ATRNL1: variants seen among roughly 807,000 people sequenced by gnomAD.
ATRNL1 encodes attractin-like protein 1.
A neutral mutation model predicts 182.7 loss-of-function variants in ATRNL1; 95 were observed. The ratio of observed to expected loss-of-function variants is 0.52; its 90% CI spans 0.44 to 0.62. ATRNL1 has a LOEUF of 0.62. ATRNL1 is among the 20% of genes least tolerant of loss of function. The pLI is 0.00. For synonymous variants in ATRNL1, 576 were observed against 568.3 expected, an observed-to-expected ratio of 1.01 and a Z score of -0.19; for missense variants, 1,471 against 1,679.5, an observed-to-expected ratio of 0.88 and a Z score of 2.17.
At chr10:115,780,005 G>A (rs782337043) in intron 27 of ATRNL1, among the ~76,000 whole-genome samples, 27 of 152,216 alleles carry the variant, frequency 1.8e-4, no homozygotes, top group Non-Finnish European at 3.1e-4. Context: ...GAAATCAGGT[G>A]AGCAATCACA....
intron 26 of ATRNL1, among the ~76,000 whole-genome samples, chr10:115,681,111 A>C (rs782011710): frequency 9.2e-5 from 14 of 152,118 alleles, no homozygotes; most frequent in Non-Finnish European, 1.9e-4. Context: ...ATGGGATTCT[A>C]CTATTACTAG....
chr10:115,155,492 A>G (rs1339458927), intron 5 of ATRNL1, among the ~76,000 whole-genome samples: 1 of 152,178 alleles, frequency 6.6e-6, no homozygotes. Flanking sequence ...AAGCTCCACA[A>G]TTAAACTGAA....
chr10:115,663,885 G>T (rs1555038907), intron 26 of ATRNL1, among the ~76,000 whole-genome samples: 1 of 152,074 alleles, frequency 6.6e-6, no homozygotes, highest in Non-Finnish European at 1.5e-5. Flanking sequence ...TCTATGCCCT[G>T]TGACTGCTTT....
intron 26 of ATRNL1, among the ~76,000 whole-genome samples, chr10:115,623,688 G>GT (rs1311667448): frequency 8.6e-5 from 13 of 152,020 alleles, no homozygotes; most frequent in African/African-American, 2.7e-4. Flanking sequence ...ACCACAATCA[G>GT]TTTTTTTAAA....
chr10:115,324,125 T>C (rs149424089), intron 18 of ATRNL1, among the ~76,000 whole-genome samples: 6 of 152,284 alleles, frequency 3.9e-5, no homozygotes, highest in Non-Finnish European at 5.9e-5. Flanking sequence ...CTCTCTCTCT[T>C]TTTTTAATCT....
intron 26 of ATRNL1, among the ~76,000 whole-genome samples, chr10:115,561,690 G>GGGGGGTGTGT (rs1554999705): frequency 5.9e-4 from 30 of 50,446 alleles, no homozygotes; most frequent in African/African-American, 1.2e-3. Context: ...TGTGTGTGTG[G>GGGGGGTGTGT]GTGTGTGTGT....
At chr10:115,106,036 A>G (rs1015489030) in intron 1 of ATRNL1, among the ~76,000 whole-genome samples, 7 of 152,146 alleles carry the variant, frequency 4.6e-5, no homozygotes, top group Non-Finnish European at 1.0e-4. Context: ...TGTGCCTGGA[A>G]AAGCCGCAGA....
At chr10:115,383,152 T>G (rs1213943200) in intron 19 of ATRNL1, among the ~76,000 whole-genome samples, 1 of 151,784 alleles carries the variant, frequency 6.6e-6, no homozygotes, top group Non-Finnish European at 1.5e-5. Flanking sequence ...CTTTTTCCTT[T>G]TAGTGTGGTA....
At chr10:115,355,642 T>C (rs1373223868) in intron 19 of ATRNL1, among the ~76,000 whole-genome samples, 1 of 151,950 alleles carries the variant, frequency 6.6e-6, no homozygotes, top group Admixed American at 6.6e-5. Flanking sequence ...ATACAGACAT[T>C]AAAAAAAATT....
rs1397087057 is a variant in ATRNL1, at chr10:115,198,113, G to A, written c.1349-17584G>A. 5.3e-5 allele frequency among the ~76,000 whole-genome samples: 8 copies of A among 152,072 alleles called. No individual in the cohort carries two copies. In the East Asian group the frequency reaches 9.6e-4, roughly 18 times the overall value. ...CTTCATATTGTTTTCCATAATGGGC[G>A]TACTTCTTCCCACCAACAGGGTACA... On this transcript the variant is annotated intron_variant, in intron 8 of 28. Coordinates refer to ENST00000355044, the MANE Select transcript of ATRNL1 (RefSeq NM_207303.4).
At chr10:115,326,046 T>A (rs1243688990) in intron 18 of ATRNL1, among the ~76,000 whole-genome samples, 5 of 152,134 alleles carry the variant, frequency 3.3e-5, no homozygotes, top group Admixed American at 6.6e-5. Flanking sequence ...ATTAGTGGTG[T>A]CACAGAGTAA....
chr10:115,684,383 G>A (rs528891923), intron 26 of ATRNL1, among the ~76,000 whole-genome samples: 17 of 150,744 alleles, frequency 1.1e-4, no homozygotes, highest in African/African-American at 4.1e-4. Context: ...TGTGTTGCCT[G>A]TGTGAGTATA....
At chr10:115,323,336 T>G (rs916628806) in intron 18 of ATRNL1, among the ~76,000 whole-genome samples, 6 of 152,084 alleles carry the variant, frequency 3.9e-5, no homozygotes, top group Admixed American at 6.6e-5. Context: ...AATTTTTATT[T>G]CTTTGTTGAT....
rs188593429 is a variant in ATRNL1, at chr10:115,947,070, G to A, written c.*2291G>A. 46 of 152,628 alleles carry A rather than the reference G, an allele frequency of 3.0e-4. No individual in the cohort carries two copies. Among genetic ancestry groups the A allele is most frequent in the African/African-American group, 8.9e-4 (37 of 41,532 alleles). The allele number at this position is 152,628 out of a possible 1,614,324, so 9.5% of individuals were successfully genotyped here. ...TTAAAGTCATGCTATACCTTTCTGG[G>A]CCACATATTGCTAACTCTGTGGCTA... On this transcript the variant is annotated 3_prime_UTR_variant, in exon 29 of 29. Coordinates refer to ENST00000355044, the MANE Select transcript of ATRNL1 (RefSeq NM_207303.4).
chr10:115,150,549 C>T (rs1424284918), intron 5 of ATRNL1, among the ~76,000 whole-genome samples: 1 of 151,818 alleles, frequency 6.6e-6, no homozygotes, highest in African/African-American at 2.4e-5. Flanking sequence ...TCATTTGTTT[C>T]AAAAAGTTTT....
chr10:115,174,455 A>C (rs1264755), intron 8 of ATRNL1, among the ~76,000 whole-genome samples: 1 of 151,450 alleles, frequency 6.6e-6, no homozygotes, highest in Non-Finnish European at 1.5e-5. Context: ...TATAGGATAC[A>C]GTTTTCCACT....
At chr10:115,607,698 A>G (rs555796499) in intron 26 of ATRNL1, among the ~76,000 whole-genome samples, 1 of 151,948 alleles carries the variant, frequency 6.6e-6, no homozygotes, top group African/African-American at 2.4e-5. Flanking sequence ...ATATTTATAG[A>G]CAATCTGCAG....
intron 26 of ATRNL1, among the ~76,000 whole-genome samples, chr10:115,659,108 A>T (rs1168396679): frequency 1.3e-5 from 2 of 152,104 alleles, no homozygotes; most frequent in Admixed American, 1.3e-4. Context: ...ACAGTTCAAG[A>T]TGAGATTTGG....
chr10:115,559,358 T>G (rs1397582953), intron 26 of ATRNL1, among the ~76,000 whole-genome samples: 1 of 152,196 alleles, frequency 6.6e-6, no homozygotes, highest in Non-Finnish European at 1.5e-5. Flanking sequence ...TTTTCTAATA[T>G]TAGAGAACTC....
Sources: gnomAD v4.1 joint callset for allele counts (sites outside exome capture counted in the v4.1 genomes callset) on GRCh38, gnomAD v4.1.1 for gene constraint, MANE v1.5 for transcripts, NCBI Gene and HGNC (gene_info 2026-07-23, HGNC 2026-07-21) for gene names.